CNTN1: variants seen among roughly 807,000 people sequenced by gnomAD.
CNTN1 encodes the protein contactin 1.
Under a neutral mutation model 126.4 loss-of-function variants are expected in CNTN1, and 38 were observed. That is an observed-to-expected ratio of 0.30 (90% CI 0.23 to 0.39). CNTN1 has a LOEUF of 0.39. Ranked by LOEUF, CNTN1 falls within the 10% of genes least tolerant of loss-of-function variation. CNTN1 has a pLI of 1.00. For synonymous variants in CNTN1, 413 were observed against 422.6 expected (o/e 0.98, Z 0.28); for missense variants, 1,009 against 1,248.4 (o/e 0.81, Z 2.89).
intron 9 of CNTN1, among the ~76,000 whole-genome samples, chr12:40,934,080 T>C (rs761358192): frequency 2.6e-5 from 4 of 152,214 alleles, no homozygotes; most frequent in Non-Finnish European, 5.9e-5. Flanking sequence ...TATTACCAGT[T>C]GAACCATAGG....
At chr12:40,892,406 A>G (rs1035069575) in intron 1 of CNTN1, among the ~76,000 whole-genome samples, 5 of 152,102 alleles carry the variant, frequency 3.3e-5, no homozygotes, top group African/African-American at 4.8e-5. Flanking sequence ...TCATTCTAAG[A>G]AAAACACTAA....
chr12:40,815,998 G>T (rs1592118791), intron 1 of CNTN1, among the ~76,000 whole-genome samples: 1 of 152,196 alleles, frequency 6.6e-6, no homozygotes, highest in Non-Finnish European at 1.5e-5. Context: ...CAGGGTTAAA[G>T]CTGACTTGGT....
rs185788203 is a variant in CNTN1 at position 40,805,973 on chromosome 12, T to A, written c.-76-102384T>A. On this transcript the variant is annotated intron_variant, in intron 1 of 23. Coordinates refer to ENST00000551295, the MANE Select transcript of CNTN1 (RefSeq NM_001843.4). ...CTTGTTTGTTTTCTTTCCTATTTTTTAAATCAATGTTGTAATCTGCTCCCA... is the reference window on the plus strand; with the variant it reads ...CTTGTTTGTTTTCTTTCCTATTTTTAAAATCAATGTTGTAATCTGCTCCCA... 3.0e-3 allele frequency among the ~76,000 whole-genome samples: 463 copies of A among 152,258 alleles called. 2 individuals are homozygous for A. The highest frequency in any genetic ancestry group is 4.5e-3 in the Non-Finnish European group (305 of 68,006).
At chr12:40,968,087 G>A (rs1021573304) in intron 15 of CNTN1, among the ~76,000 whole-genome samples, 15 of 151,928 alleles carry the variant, frequency 9.9e-5, no homozygotes, top group Admixed American at 7.9e-4. Context: ...TGAGAAAATT[G>A]AATCTAATGA....
intron 1 of CNTN1, among the ~76,000 whole-genome samples, chr12:40,851,431 G>T (rs534218659): frequency 1.3e-5 from 2 of 152,142 alleles, no homozygotes; most frequent in African/African-American, 4.8e-5. Context: ...TAGGTAATCC[G>T]CATGAAATAT....
intron 1 of CNTN1, among the ~76,000 whole-genome samples, chr12:40,696,523 A>G (rs12367287): frequency 0.2 from 30,644 of 152,042 alleles, 3,203 homozygotes; most frequent in Middle Eastern, 0.28. Context: ...TGTGTTTTCA[A>G]TTTTCATTAG....
intron 1 of CNTN1, among the ~76,000 whole-genome samples, chr12:40,807,482 T>C (rs1005957471): frequency 6.6e-6 from 1 of 152,094 alleles, no homozygotes; most frequent in Non-Finnish European, 1.5e-5. Flanking sequence ...AAGCTAGTGC[T>C]ACCCTCTTCT....
Position 40,797,431 on chromosome 12 carries a change from A to C in CNTN1, c.-77+104839A>C, listed in dbSNP as rs370484772. Among the ~76,000 whole-genome samples, 15 of 152,190 alleles carry C rather than the reference A, an allele frequency of 9.9e-5. No homozygotes were observed. In the East Asian group the frequency reaches 2.9e-3, roughly 30 times the overall value. On this transcript the variant is annotated intron_variant, in intron 1 of 23. Transcript: ENST00000551295. ...GCATCCCAGGCCAAAAGAGCAGCTT[A>C]TGCAGAGACAGAGAGTATGTTAGGA...
At chr12:40,929,000 A>C (rs1175268654) in intron 6 of CNTN1, among the ~76,000 whole-genome samples, 2 of 151,944 alleles carry the variant, frequency 1.3e-5, no homozygotes, top group Non-Finnish European at 2.9e-5. Flanking sequence ...GATGTTTTGA[A>C]GGGAATCATC....
intron 1 of CNTN1, among the ~76,000 whole-genome samples, chr12:40,907,244 A>G (rs138518280): frequency 1.4e-4 from 21 of 152,302 alleles, no homozygotes; most frequent in African/African-American, 4.8e-4. Context: ...AGGAAGGCCC[A>G]TTCCCACCGT....
At chr12:40,849,785 A>T (rs187522728) in intron 1 of CNTN1, among the ~76,000 whole-genome samples, 6 of 152,170 alleles carry the variant, frequency 3.9e-5, no homozygotes, top group Non-Finnish European at 7.4e-5. Context: ...TGCCATATGC[A>T]GCCAAAGCCA....
intron 15 of CNTN1, 83 bp downstream of exon 15, chr12:40,959,317 G>T: frequency 6.9e-7 from 1 of 1,454,080 alleles, no homozygotes; most frequent in South Asian, 1.2e-5. Context: ...TAACTCTGGT[G>T]CAAATTCTTA....
At chr12:41,023,038 T>C (rs1592419679) in intron 20 of CNTN1, among the ~76,000 whole-genome samples, 1 of 150,620 alleles carries the variant, frequency 6.6e-6, no homozygotes, top group East Asian at 1.9e-4. Flanking sequence ...GGGAGGGGGG[T>C]CTTGACTGAC....
rs370649028 is a variant in CNTN1, at chr12:41,055,563, GAGA to G, written c.2981-14388_2981-14386del. Among the ~76,000 whole-genome samples, 5 of 152,176 alleles carry G rather than the reference GAGA, an allele frequency of 3.3e-5. No homozygotes were observed. In the East Asian group the frequency reaches 5.8e-4, roughly 18 times the overall value. On this transcript the variant is annotated intron_variant, in intron 23 of 23. Transcript: ENST00000551295. ...TACTATCATTCAACCAAGATCTCTT[GAGA>G]AGAAGAAAGGCCATTTCTGCACCCA...
intron 1 of CNTN1, among the ~76,000 whole-genome samples, chr12:40,698,711 C>A (rs1441902803): frequency 6.6e-6 from 1 of 152,128 alleles, no homozygotes; most frequent in Non-Finnish European, 1.5e-5. Context: ...TCTTCCTCTG[C>A]TGAAAATTTT....
At chr12:41,017,918 C>A (rs550434284) in intron 19 of CNTN1, among the ~76,000 whole-genome samples, 54 of 151,828 alleles carry the variant, frequency 3.6e-4, no homozygotes, top group African/African-American at 1.3e-3. Flanking sequence ...ATGGAGAAAC[C>A]CTGTCTCTAC....
rs569139608 is a variant in CNTN1, at chr12:40,740,773, G to A, written c.-77+48181G>A. Among the ~76,000 whole-genome samples, 16 of 152,104 alleles carry A rather than the reference G, an allele frequency of 1.1e-4. No individual in the cohort carries two copies. The East Asian group carries it at 1.7e-3, about 17-fold the overall frequency. On this transcript the variant is annotated intron_variant, in intron 1 of 23. Coordinates refer to ENST00000551295, the MANE Select transcript of CNTN1 (RefSeq NM_001843.4). ...GGGTGGGTTTTCCCATGTTGTTCTC[G>A]TGATACTGAATAAGTCTCACAAGAT...
rs145275603 is a variant in CNTN1 at position 40,953,935 on chromosome 12, T to G, written c.1684-5179T>G. Among the ~76,000 whole-genome samples, 610 of 152,212 alleles carry G rather than the reference T, an allele frequency of 4.0e-3. 3 individuals carry two copies. Among genetic ancestry groups the G allele is most frequent in the African/African-American group, 0.014 (573 of 41,564 alleles). On this transcript the variant is annotated intron_variant, in intron 14 of 23. Coordinates refer to ENST00000551295, the MANE Select transcript of CNTN1 (RefSeq NM_001843.4). ...CACATAAATATTTTTAAAAGGGCAA[T>G]TATGATACCACAATATGTTTATTTT... is the stretch of plus-strand genomic sequence containing the variant.
chr12:40,895,482 C>T (rs1592218679), intron 1 of CNTN1, among the ~76,000 whole-genome samples: 1 of 152,138 alleles, frequency 6.6e-6, no homozygotes, highest in African/African-American at 2.4e-5. Flanking sequence ...CCTGTGGCAG[C>T]AGCAACACAG....
Sources: gnomAD v4.1 joint callset for allele counts (sites outside exome capture counted in the v4.1 genomes callset) on GRCh38, gnomAD v4.1.1 for gene constraint, MANE v1.5 for transcripts, NCBI Gene and HGNC (gene_info 2026-07-23, HGNC 2026-07-21) for gene names.